Variants in CNTNAP2 observed in about 807,000 individuals in gnomAD.
The protein encoded by CNTNAP2 is contactin-associated protein-like 2.
CNTNAP2 carries 98 observed loss-of-function variants against 155.2 expected under a neutral mutation model. That is an observed-to-expected ratio of 0.63 (90% confidence interval 0.54 to 0.75). The LOEUF (loss-of-function observed/expected upper bound fraction) is 0.75, where lower values mean the gene tolerates loss of function less well. Ranked by LOEUF, CNTNAP2 falls within the 30% of genes least tolerant of loss-of-function variation. The pLI is 0.00. For missense variants in CNTNAP2, 1,727 were observed against 1,688.1 expected (o/e 1.02, Z -0.40); for synonymous variants, 651 against 631.2 (o/e 1.03, Z -0.47).
chr7:148,073,694 G>A (rs1803422879), intron 15 of CNTNAP2, among the ~76,000 whole-genome samples: 1 of 151,622 alleles, frequency 6.6e-6, no homozygotes, highest in South Asian at 2.1e-4. Flanking sequence ...ACATAGATGT[G>A]TATGTATTGG....
intron 3 of CNTNAP2, among the ~76,000 whole-genome samples, chr7:146,849,034 G>C (rs1438945877): frequency 6.6e-6 from 1 of 152,030 alleles, no homozygotes; most frequent in Admixed American, 6.6e-5. Context: ...ACCCACCTAG[G>C]CCTCCCAAAG....
intron 18 of CNTNAP2, among the ~76,000 whole-genome samples, chr7:148,215,741 T>C (rs913584301): frequency 2.6e-5 from 4 of 152,084 alleles, no homozygotes; most frequent in Non-Finnish European, 4.4e-5. Context: ...TGAGGTCCCA[T>C]TTTTTAGGGA....
At chr7:146,445,737 G>T (rs1584929132) in intron 1 of CNTNAP2, among the ~76,000 whole-genome samples, 1 of 152,114 alleles carries the variant, frequency 6.6e-6, no homozygotes, top group Admixed American at 6.6e-5. Flanking sequence ...AGTAGAGCAA[G>T]ATGAATGAGG....
At chr7:147,625,961 A>G (rs1357334931) in intron 12 of CNTNAP2, among the ~76,000 whole-genome samples, 1 of 152,192 alleles carries the variant, frequency 6.6e-6, no homozygotes, top group Non-Finnish European at 1.5e-5. Context: ...GAGTCACATG[A>G]AATATAAAAG....
chr7:147,812,778 G>C (rs932686119), intron 13 of CNTNAP2, among the ~76,000 whole-genome samples: 10 of 152,140 alleles, frequency 6.6e-5, no homozygotes, highest in African/African-American at 2.4e-4. Flanking sequence ...GAGAATTTTG[G>C]CTGGCTATGG....
At chr7:147,365,306 C>T (rs1476904656) in intron 9 of CNTNAP2, among the ~76,000 whole-genome samples, 4 of 133,598 alleles carry the variant, frequency 3.0e-5, no homozygotes, top group Non-Finnish European at 6.2e-5. Context: ...ACCCAGGAGG[C>T]GGAGGTTGCA....
rs36064860 is a variant in CNTNAP2, at chr7:147,511,459, A to ATTT, written c.1777+25428_1777+25430dup. Among the ~76,000 whole-genome samples, 627 of 146,958 alleles carry ATTT rather than the reference A, an allele frequency of 4.3e-3. 3 individuals carry two copies. Among genetic ancestry groups the ATTT allele is most frequent in the African/African-American group, 0.014 (577 of 39,970 alleles). On this transcript the variant is annotated intron_variant, in intron 11 of 23. Transcript: ENST00000361727. ...AAAGCTAATTATCCTTTAAAACAAC[A>ATTT]TTTTTTTTTTTTGCATTTTGCAATA...
chr7:147,673,194 G>A (rs1462128143), intron 13 of CNTNAP2: 1 of 152,070 alleles, frequency 6.6e-6, no homozygotes, highest in African/African-American at 2.4e-5. Flanking sequence ...TCTACATGAG[G>A]TATGATATAT....
intron 3 of CNTNAP2, among the ~76,000 whole-genome samples, chr7:146,918,672 T>C (rs758050205): frequency 1.3e-5 from 2 of 152,228 alleles, no homozygotes; most frequent in Admixed American, 6.5e-5. Context: ...AGTGATCCTT[T>C]TGCAATGAAT....
chr7:146,687,864 T>C (rs1800629313), intron 1 of CNTNAP2, among the ~76,000 whole-genome samples: 1 of 152,192 alleles, frequency 6.6e-6, no homozygotes, highest in African/African-American at 2.4e-5. Context: ...AGTCTAGCAC[T>C]GATGCTTTCC....
chr7:148,141,019 T>C (rs1368141589), intron 16 of CNTNAP2, among the ~76,000 whole-genome samples: 1 of 152,210 alleles, frequency 6.6e-6, no homozygotes, highest in Non-Finnish European at 1.5e-5. Context: ...AAAGTAAGAT[T>C]CCAGGACCAC....
chr7:148,182,776 G>A (rs1012534673), intron 18 of CNTNAP2, among the ~76,000 whole-genome samples: 13 of 152,062 alleles, frequency 8.5e-5, no homozygotes, highest in African/African-American at 2.4e-4. Context: ...CCTTTTCTTG[G>A]CATTTTAAAT....
chr7:147,242,318 C>G (rs1404006551), intron 8 of CNTNAP2, among the ~76,000 whole-genome samples: 1 of 152,146 alleles, frequency 6.6e-6, no homozygotes, highest in Non-Finnish European at 1.5e-5. Flanking sequence ...AAAAACATTT[C>G]CTTTGCCAAG....
intron 13 of CNTNAP2, among the ~76,000 whole-genome samples, chr7:147,730,976 G>A (rs1441382142): frequency 1.3e-5 from 2 of 152,072 alleles, no homozygotes; most frequent in East Asian, 3.9e-4. Flanking sequence ...CCAGAGCAAG[G>A]CCCTAACTCT....
At chr7:146,653,734 T>A (rs568900674) in intron 1 of CNTNAP2, among the ~76,000 whole-genome samples, 1 of 152,282 alleles carries the variant, frequency 6.6e-6, no homozygotes, top group South Asian at 2.1e-4. Context: ...GGATGTTATC[T>A]TGGAAGTTAA....
intron 13 of CNTNAP2, among the ~76,000 whole-genome samples, chr7:147,766,208 TTATGG>T (rs1321379108): frequency 6.6e-6 from 1 of 152,146 alleles, no homozygotes; most frequent in African/African-American, 2.4e-5. Flanking sequence ...TGAGTATCTC[TTATGG>T]TATGTAAATT....
intron 1 of CNTNAP2, among the ~76,000 whole-genome samples, chr7:146,416,496 A>G (rs1795940499): frequency 6.6e-6 from 1 of 152,082 alleles, no homozygotes. Context: ...GGCCCAAGCA[A>G]TCCTTCTCTC....
rs150979724 is a variant in CNTNAP2 at position 146,641,829 on chromosome 7, G to A, written c.98-132442G>A. ...CAGATGAATATATGTCTATCAGTGA[G>A]CATATTAAAACCTAATATTTTGTGG... On this transcript the variant is annotated intron_variant, in intron 1 of 23. Coordinates refer to ENST00000361727, the MANE Select transcript of CNTNAP2 (RefSeq NM_014141.6). Among the ~76,000 whole-genome samples the A allele has an allele frequency of 4.9e-4, 75 of 152,286 alleles. 1 individual carries two copies. In the East Asian group the frequency reaches 0.012, roughly 24 times the overall value.
intron 17 of CNTNAP2, among the ~76,000 whole-genome samples, chr7:148,148,271 A>T (rs1805232989): frequency 6.6e-6 from 1 of 152,342 alleles, no homozygotes; most frequent in Admixed American, 6.5e-5. Flanking sequence ...AAGTTAAACT[A>T]CCTATGCAAG....
Sources: gnomAD v4.1 joint callset for allele counts (sites outside exome capture counted in the v4.1 genomes callset) on GRCh38, gnomAD v4.1.1 for gene constraint, MANE v1.5 for transcripts, NCBI Gene and HGNC (gene_info 2026-07-23, HGNC 2026-07-21) for gene names.